DNAH5: variants seen among roughly 807,000 people sequenced by gnomAD.
DNAH5 encodes dynein axonemal heavy chain 5.
A neutral mutation model predicts 518.2 loss-of-function variants in DNAH5; 372 were observed. The observed-to-expected ratio is 0.72, with a 90% CI of 0.66 to 0.78. DNAH5 has a LOEUF of 0.78. Ranked by LOEUF, DNAH5 falls within the 30% of genes least tolerant of loss-of-function variation. The pLI is 0.00. For missense variants in DNAH5, 5,523 were observed against 5,687.0 expected, an observed-to-expected ratio of 0.97 and a Z score of 0.93; for synonymous variants, 2,039 against 2,025.9, an observed-to-expected ratio of 1.01 and a Z score of -0.17.
At chr5:13,874,117 A>C (rs1580697374) in intron 22 of DNAH5, among the ~76,000 whole-genome samples, 1 of 152,260 alleles carries the variant, frequency 6.6e-6, no homozygotes, top group East Asian at 1.9e-4. Context: ...TAAACCTATC[A>C]CTGCCTATCC....
In DNAH5 at chr5:13,920,647, T is replaced by TGA. The variant is rs1369047512; in HGVS notation, c.661-32_661-31dup. The TGA allele has an allele frequency of 1.9e-6, 3 of 1,613,144 alleles. No homozygotes were observed. The African/African-American group carries it at 4.0e-5, about 22-fold the overall frequency. On this transcript the variant is annotated intron_variant, in intron 5 of 78. Transcript: ENST00000265104. ...TTAGAATGAAAATTAAATAATCAGA[T>TGA]GATGCTTTTGTAAAACACACAGACT... is the stretch of plus-strand genomic sequence containing the variant.
At chr5:13,800,255 T>C (rs567885695) in intron 47 of DNAH5, among the ~76,000 whole-genome samples, 1 of 152,350 alleles carries the variant, frequency 6.6e-6, no homozygotes, top group Admixed American at 6.5e-5. Context: ...GTTCCTCCTG[T>C]ATTGCATGCT....
rs371141184 is a variant in DNAH5, at chr5:13,865,699, T to G, written c.4324A>C (p.Ile1442Leu). The G allele has an allele frequency of 2.5e-5, 40 of 1,597,066 alleles. No homozygotes were observed. The highest frequency in any genetic ancestry group is 3.3e-5 in the Non-Finnish European group (38 of 1,164,670). Reference sequence around the variant, plus strand: ...TGGAATTCTAAGAGTTCATTGTTAATTTTTTCAATATTCACCTCTGACCAA... The same window carrying G: ...TGGAATTCTAAGAGTTCATTGTTAAGTTTTTCAATATTCACCTCTGACCAA... The part of the protein sequence containing the change: ...ILWSEVNIEK[I>L]NNELLEFQNR... The change falls in exon 27 of 79, where the codon ATT becomes CTT. Residue 1442 changes from isoleucine (I) to leucine (L), a missense_variant. Coordinates refer to ENST00000265104, the MANE Select transcript of DNAH5 (RefSeq NM_001369.3).
chr5:13,949,538 G>A (rs1263783392), upstream of DNAH5, among the ~76,000 whole-genome samples: 2 of 152,162 alleles, frequency 1.3e-5, no homozygotes, highest in Non-Finnish European at 2.9e-5. Flanking sequence ...TTTCCTGGGA[G>A]ACTCATCTGT....
intron 31 of DNAH5, 124 bp from the exon 32 acceptor site, chr5:13,845,117 G>A (rs1006861017): frequency 1.9e-5 from 17 of 879,394 alleles, no homozygotes; most frequent in East Asian, 1.1e-4. Context: ...ATTTTCCTAC[G>A]TGACTTCTCA....
chr5:13,852,010 G>A (rs1766936767), intron 30 of DNAH5, among the ~76,000 whole-genome samples: 1 of 152,006 alleles, frequency 6.6e-6, no homozygotes, highest in Admixed American at 6.6e-5. Context: ...AAGCCATGAG[G>A]TACCATGCTG....
Position 13,859,451 on chromosome 5 carries a change from C to A in DNAH5, c.4950+1G>T. On this transcript the variant is annotated splice_donor_variant, in intron 30 of 78. Transcript: ENST00000265104. LOFTEE classifies it high-confidence loss of function. ...TGAAATCATAAAGAAGATTACAAAA[C>A]CTTGGGCAGCTGCTTGGCAATGTCT... The A allele has an allele frequency of 6.2e-7, 1 of 1,613,914 alleles. No individual in the cohort carries two copies. Among genetic ancestry groups the A allele is most frequent in the East Asian group, 2.2e-5 (1 of 44,872 alleles).
At chr5:13,738,387 T>A (rs573357754) in intron 65 of DNAH5, among the ~76,000 whole-genome samples, 1 of 152,222 alleles carries the variant, frequency 6.6e-6, no homozygotes, top group African/African-American at 2.4e-5. Flanking sequence ...AACTTGCTAA[T>A]TGAAAAAGTA....
At chr5:13,968,861 A>G (rs543823142) in intron 1 of DNAH5, among the ~76,000 whole-genome samples, 3 of 152,248 alleles carry the variant, frequency 2.0e-5, no homozygotes, top group South Asian at 2.1e-4. Context: ...CTCTTTCTCC[A>G]TCTTTTGAAA....
At chr5:13,828,102 A>T (rs913131108) in intron 38 of DNAH5, among the ~76,000 whole-genome samples, 1 of 152,224 alleles carries the variant, frequency 6.6e-6, no homozygotes. Context: ...GGGCTCCAAT[A>T]AGCAGAAGAA....
intron 59 of DNAH5, among the ~76,000 whole-genome samples, chr5:13,765,104 C>T (rs756438061): frequency 1.3e-5 from 2 of 152,214 alleles, no homozygotes; most frequent in Non-Finnish European, 2.9e-5. Context: ...TGCTACCATG[C>T]ACCTCTTCTC....
chr5:13,903,907 G>A (rs1050681907), intron 12 of DNAH5, among the ~76,000 whole-genome samples: 17 of 152,012 alleles, frequency 1.1e-4, no homozygotes, highest in Non-Finnish European at 2.5e-4. Context: ...GGAGAGATAC[G>A]ATTACTAACA....
chr5:13,876,760 T>A lies in DNAH5; in HGVS notation c.3320A>T (p.Tyr1107Phe), dbSNP rs367913308. ...CTCTTTGTTTTCAGAAACATTCTTA[T>A]AATAGTTCTTGGTTTGCACGGGAAT... ...LPIPVQTKNY[Y>F]KNVSENKEIV... The change falls in exon 22 of 79, where the codon TAT (tyrosine) becomes TTT (phenylalanine). Residue 1107 changes from tyrosine to phenylalanine, a missense_variant. Around this residue, in one of 3 missense-constraint regions of DNAH5, gnomAD observed 5,121 missense variants for 5,223.3 expected, o/e 0.98. Coordinates refer to ENST00000265104, the MANE Select transcript of DNAH5 (RefSeq NM_001369.3). The A allele has an allele frequency of 1.6e-4, 251 of 1,613,830 alleles. No individual in the cohort carries two copies. In the South Asian group the frequency reaches 2.6e-3, roughly 17 times the overall value.
intron 1 of DNAH5, among the ~76,000 whole-genome samples, chr5:13,995,450 T>G (rs564945990): frequency 5.3e-5 from 8 of 152,276 alleles, no homozygotes; most frequent in African/African-American, 1.7e-4. Context: ...TAGGCCTACA[T>G]GGACTGCATC....
Position 13,781,279 on chromosome 5 carries a change from T to C in DNAH5, c.8821-320A>G, listed in dbSNP as rs115496041. ...ATCTATCTAAAGGGGACTTTGAGGA[T>C]TCCTGTTAGTTGGTCTGACCTAATA... On this transcript the variant is annotated intron_variant, in intron 52 of 78. Coordinates refer to ENST00000265104, the MANE Select transcript of DNAH5 (RefSeq NM_001369.3). Among the ~76,000 whole-genome samples, 1,621 of 152,296 alleles carry C rather than the reference T, an allele frequency of 0.011. 13 individuals are homozygous for C. Among genetic ancestry groups the C allele is most frequent in the Middle Eastern group, 0.02 (6 of 294 alleles).
chr5:13,823,030 G>C (rs1315158939), intron 40 of DNAH5, among the ~76,000 whole-genome samples: 2 of 152,172 alleles, frequency 1.3e-5, no homozygotes, highest in Non-Finnish European at 2.9e-5. Context: ...CAATAATAGG[G>C]CTACTCGCAC....
intron 63 of DNAH5, 26 bp downstream of exon 63, chr5:13,753,207 C>G: frequency 6.4e-7 from 1 of 1,569,952 alleles, no homozygotes; most frequent in Non-Finnish European, 8.8e-7. Context: ...TAACCGGTAG[C>G]ATAAACATAC....
At chr5:13,713,489 A>G (rs1477543812) in intron 75 of DNAH5, among the ~76,000 whole-genome samples, 1 of 145,000 alleles carries the variant, frequency 6.9e-6, no homozygotes, top group Non-Finnish European at 1.5e-5. Flanking sequence ...ATATATATAT[A>G]TATGATGGAA....
intron 24 of DNAH5, among the ~76,000 whole-genome samples, chr5:13,869,169 AGTAGTCT>A (rs1279356685): frequency 6.6e-6 from 1 of 152,182 alleles, no homozygotes; most frequent in East Asian, 1.9e-4. Flanking sequence ...GAAAATGTGT[AGTAGTCT>A]GTACCATTCT....
Sources: gnomAD v4.1 joint callset for allele counts (sites outside exome capture counted in the v4.1 genomes callset) on GRCh38, gnomAD v4.1.1 for gene constraint, gnomAD v4.1.1 regional missense constraint, MANE v1.5 for transcripts, NCBI Gene and HGNC (gene_info 2026-07-23, HGNC 2026-07-21) for gene names.